SEMA3A: variants seen among roughly 807,000 people sequenced by gnomAD.
SEMA3A encodes semaphorin-3A.
Under a neutral mutation model 97.9 loss-of-function variants are expected in SEMA3A, and 29 were observed. That is an observed-to-expected ratio of 0.30 (90% CI 0.22 to 0.40). The LOEUF (loss-of-function observed/expected upper bound fraction) is 0.40. SEMA3A is among the 10% of genes least tolerant of loss of function. The pLI is 1.00. For missense variants in SEMA3A, 763 were observed against 951.3 expected (o/e 0.80, Z 2.60); for synonymous variants, 321 against 323.7 (o/e 0.99, Z 0.09).
At chr7:84,400,117 C>A (rs113911730) in intron 1 of SEMA3A, among the ~76,000 whole-genome samples, 2 of 152,124 alleles carry the variant, frequency 1.3e-5, no homozygotes, top group Non-Finnish European at 2.9e-5. Flanking sequence ...CACAGGCTAA[C>A]GGAACTCAAA....
At chr7:84,325,041 C>T (rs1801738426) in intron 2 of SEMA3A, among the ~76,000 whole-genome samples, 1 of 151,964 alleles carries the variant, frequency 6.6e-6, no homozygotes, top group Non-Finnish European at 1.5e-5. Context: ...AGAATAAATG[C>T]TATATATACC....
intron 2 of SEMA3A, among the ~76,000 whole-genome samples, chr7:84,335,670 C>T (rs961432959): frequency 2.0e-5 from 3 of 152,006 alleles, no homozygotes; most frequent in Non-Finnish European, 4.4e-5. Flanking sequence ...TAAGAATGAA[C>T]GTATGACCTT....
At chr7:84,418,453 G>T (rs1464754358) in intron 1 of SEMA3A, among the ~76,000 whole-genome samples, 1 of 152,030 alleles carries the variant, frequency 6.6e-6, no homozygotes. Flanking sequence ...CAACATGTGG[G>T]AATTATGGGA....
At chr7:84,133,918 C>T (rs1234835260) in intron 2 of SEMA3A, among the ~76,000 whole-genome samples, 2 of 147,604 alleles carry the variant, frequency 1.4e-5, no homozygotes, top group Middle Eastern at 3.3e-3. Context: ...AAAAATTAGC[C>T]GGGCGTGGTG....
In SEMA3A at chr7:83,959,517, A is replaced by G. The variant is rs926602691; in HGVS notation, c.*1854T>C. On this transcript the variant is annotated 3_prime_UTR_variant, in exon 17 of 17. Transcript: ENST00000265362. The stretch of plus-strand genomic sequence containing the variant: ...CAATGGAGCCTAAAATTGAATGTAG[A>G]TTATTTTTAGGCTTTTGTTTGAAAC... 1 of 152,048 alleles carries G rather than the reference A, an allele frequency of 6.6e-6. No individual in the cohort carries two copies. Among genetic ancestry groups the G allele is most frequent in the African/African-American group, 2.4e-5 (1 of 41,446 alleles). The allele number at this position is 152,048 out of a possible 1,614,324, so 9.4% of individuals were successfully genotyped here.
At chr7:84,415,954 T>A (rs989266335) in intron 1 of SEMA3A, among the ~76,000 whole-genome samples, 2 of 152,160 alleles carry the variant, frequency 1.3e-5, no homozygotes, top group African/African-American at 4.8e-5. Flanking sequence ...TTATCAATCA[T>A]ATATTTAATA....
intron 15 of SEMA3A, among the ~76,000 whole-genome samples, chr7:83,976,512 CT>C (rs1789155661): frequency 6.6e-6 from 1 of 152,038 alleles, no homozygotes; most frequent in South Asian, 2.1e-4. Flanking sequence ...TACAATTTTA[CT>C]GCATTTTAAG....
At chr7:84,343,003 C>G (rs2115993664) in intron 2 of SEMA3A, among the ~76,000 whole-genome samples, 1 of 152,236 alleles carries the variant, frequency 6.6e-6, no homozygotes, top group Non-Finnish European at 1.5e-5. Flanking sequence ...TGAGCATTTA[C>G]CAAGTATGCT....
chr7:84,097,130 T>A (rs1198065936), intron 4 of SEMA3A, among the ~76,000 whole-genome samples: 1 of 152,014 alleles, frequency 6.6e-6, no homozygotes, highest in East Asian at 1.9e-4. Flanking sequence ...GCAATTTAAA[T>A]ATGAGGTAAG....
intron 2 of SEMA3A, among the ~76,000 whole-genome samples, chr7:84,333,481 TGAG>T (rs1012593609): frequency 1.4e-4 from 22 of 152,080 alleles, no homozygotes; most frequent in African/African-American, 4.8e-4. Context: ...AACAACACGA[TGAG>T]GTGAGGAGAG....
At chr7:84,309,558 C>T (rs535239493) in intron 2 of SEMA3A, among the ~76,000 whole-genome samples, 2 of 152,226 alleles carry the variant, frequency 1.3e-5, no homozygotes, top group South Asian at 4.1e-4. Flanking sequence ...TACTGATGGA[C>T]CCTTCTGGGC....
chr7:84,222,927 A>ATAAG (rs2116340144), intron 3 of SEMA3A, among the ~76,000 whole-genome samples: 1 of 152,048 alleles, frequency 6.6e-6, no homozygotes, highest in South Asian at 2.1e-4. Context: ...TCTGTTCTTA[A>ATAAG]TAAGTTCTTC....
At chr7:84,415,688 C>T (rs1337697949) in intron 1 of SEMA3A, among the ~76,000 whole-genome samples, 1 of 151,948 alleles carries the variant, frequency 6.6e-6, no homozygotes, top group African/African-American at 2.4e-5. Context: ...CATTTGAGGA[C>T]ATCAATAATG....
rs139635701 is a variant in SEMA3A, at chr7:84,414,857, G to A, written c.-245-42957C>T. 4.2e-3 allele frequency among the ~76,000 whole-genome samples: 644 copies of A among 152,054 alleles called. 8 individuals carry two copies. Among genetic ancestry groups the A allele is most frequent in the African/African-American group, 0.015 (616 of 41,516 alleles). On this transcript the variant is annotated intron_variant, in intron 1 of 3. Transcript: ENST00000424555. ...AATAATCAAATAAATAAACGAATCA[G>A]CAAAGAACCATTGAGACAATGGGGA... is the stretch of plus-strand genomic sequence containing the variant.
intron 15 of SEMA3A, among the ~76,000 whole-genome samples, chr7:83,972,056 CACAT>C (rs146778317): frequency 0.021 from 3,049 of 146,194 alleles, 97 homozygotes; most frequent in African/African-American, 0.072. Context: ...TATATACACA[CACAT>C]ACATATATAT....
chr7:83,981,121 T>C (rs1227575807), intron 14 of SEMA3A, among the ~76,000 whole-genome samples, 200 bp downstream of exon 14: 1 of 152,184 alleles, frequency 6.6e-6, no homozygotes, highest in African/African-American at 2.4e-5. Context: ...TTTATGACTT[T>C]CTCTGTGACT....
intron 2 of SEMA3A, among the ~76,000 whole-genome samples, chr7:84,331,828 G>C (rs543763690): frequency 2.0e-5 from 3 of 152,244 alleles, no homozygotes; most frequent in African/African-American, 7.2e-5. Flanking sequence ...TGGCAGAAAA[G>C]GGGGAAATGG....
At position 84,355,188 on chromosome 7, in the gene SEMA3A, T is replaced by C. The variant is rs200224772; in HGVS notation, c.-169+16636A>G. On this transcript the variant is annotated intron_variant, in intron 2 of 3. Coordinates refer to the SEMA3A transcript ENST00000424555. Reference sequence around the variant, plus strand: ...TAGTTTAACAAAAACAAAGCTGCTTTTGAAATCCTGAGCTCTGCTCAATTT... The same window carrying C: ...TAGTTTAACAAAAACAAAGCTGCTTCTGAAATCCTGAGCTCTGCTCAATTT... Among the ~76,000 whole-genome samples, 14 of 152,000 alleles carry C rather than the reference T, an allele frequency of 9.2e-5. No homozygotes were observed. The East Asian group carries it at 2.3e-3, about 25-fold the overall frequency.
At chr7:84,407,900 G>C (rs1374441414) in intron 1 of SEMA3A, among the ~76,000 whole-genome samples, 1 of 152,028 alleles carries the variant, frequency 6.6e-6, no homozygotes, top group Non-Finnish European at 1.5e-5. Context: ...AATTCGAGAT[G>C]GATTAAAGAC....
Sources: allele counts gnomAD v4.1 joint callset (sites outside exome capture counted in the v4.1 genomes callset), GRCh38; gene constraint gnomAD v4.1.1; transcripts MANE v1.5; gene names NCBI Gene and HGNC (gene_info 2026-07-23, HGNC 2026-07-21).